SAMD12: variants seen among roughly 807,000 people sequenced by gnomAD.
SAMD12 encodes sterile alpha motif domain containing 12.
SAMD12 carries 9 observed loss-of-function variants against 15.0 expected under a neutral mutation model. The ratio of observed to expected loss-of-function variants is 0.60; its 90% CI spans 0.36 to 1.05. The LOEUF is 1.05. SAMD12 is among the 50% of genes least tolerant of loss of function. SAMD12 has a pLI of 0.01. For synonymous variants in SAMD12, 86 were observed against 90.1 expected, an observed-to-expected ratio of 0.96 and a Z score of 0.25; for missense variants, 230 against 234.2, an observed-to-expected ratio of 0.98 and a Z score of 0.12.
At chr8:118,533,101 C>T (rs1023318218) in intron 2 of SAMD12, among the ~76,000 whole-genome samples, 2 of 152,080 alleles carry the variant, frequency 1.3e-5, no homozygotes, top group African/African-American at 2.4e-5. Context: ...CCTCTACACA[C>T]TGTTTTAAAT....
At chr8:118,144,813 A>G in the SAMD12 span, among the ~76,000 whole-genome samples, 328 of 152,338 alleles carry the variant, frequency 2.2e-3, 2 homozygotes, top group African/African-American at 7.5e-3. Flanking sequence ...GCTGAAGGCC[A>G]CAATTAGCAA....
At chr8:118,541,149 A>G (rs1310604339) in intron 2 of SAMD12, among the ~76,000 whole-genome samples, 2 of 152,184 alleles carry the variant, frequency 1.3e-5, no homozygotes, top group Non-Finnish European at 2.9e-5. Flanking sequence ...GTGTTATTTC[A>G]TCACATCTTT....
At chr8:118,458,946 ATATATGTGTGTG>A in intron 2 of SAMD12, among the ~76,000 whole-genome samples, 1 of 81,126 alleles carries the variant, frequency 1.2e-5, no homozygotes, top group South Asian at 6.2e-4. Flanking sequence ...GTCTTCAGCT[ATATATGTGTGTG>A]TGTGTGTGTG....
At chr8:118,410,647 A>G (rs1040222018) in intron 3 of SAMD12, among the ~76,000 whole-genome samples, 3 of 152,186 alleles carry the variant, frequency 2.0e-5, no homozygotes, top group African/African-American at 7.2e-5. Flanking sequence ...TTTCTGGCTA[A>G]GTCAAATCTT....
chr8:118,508,688 G>C (rs1824992302), intron 2 of SAMD12, among the ~76,000 whole-genome samples: 1 of 152,144 alleles, frequency 6.6e-6, no homozygotes, highest in South Asian at 2.1e-4. Context: ...CATCAAATAT[G>C]GGGAGTTTTG....
At chr8:118,304,304 A>G (rs757309165) in intron 4 of SAMD12, among the ~76,000 whole-genome samples, 10 of 152,176 alleles carry the variant, frequency 6.6e-5, no homozygotes, top group Admixed American at 2.0e-4. Context: ...TGTCACAACA[A>G]TTTTTAGAAA....
intron 2 of SAMD12, among the ~76,000 whole-genome samples, chr8:118,578,959 G>A (rs918541747): frequency 6.6e-6 from 1 of 152,050 alleles, no homozygotes; most frequent in African/African-American, 2.4e-5. Flanking sequence ...CCAGAAGAAA[G>A]GCACATTATA....
chr8:118,214,672 T>A (rs1312934904), intron 4 of SAMD12, among the ~76,000 whole-genome samples: 3 of 152,210 alleles, frequency 2.0e-5, no homozygotes, highest in Non-Finnish European at 4.4e-5. Flanking sequence ...AATCAGAAGG[T>A]AGGGGAAAGT....
the SAMD12 span, among the ~76,000 whole-genome samples, chr8:118,141,332 T>C: frequency 6.6e-6 from 1 of 152,252 alleles, no homozygotes; most frequent in Admixed American, 6.5e-5. Flanking sequence ...GTTTATGTGC[T>C]TCACATTTAC....
chr8:118,529,964 A>T (rs1475308420), intron 2 of SAMD12, among the ~76,000 whole-genome samples: 13 of 152,206 alleles, frequency 8.5e-5, no homozygotes, highest in Non-Finnish European at 1.5e-5. Context: ...ACTGTTTTCC[A>T]TTAGAGATTG....
At chr8:118,245,844 G>C (rs1812677652) in intron 4 of SAMD12, among the ~76,000 whole-genome samples, 1 of 152,110 alleles carries the variant, frequency 6.6e-6, no homozygotes, top group South Asian at 2.1e-4. Flanking sequence ...GGATTGGAAG[G>C]GGAGGGGTTA....
chr8:118,185,653 A>G (rs113192660), downstream of SAMD12, among the ~76,000 whole-genome samples: 5 of 152,230 alleles, frequency 3.3e-5, no homozygotes, highest in African/African-American at 7.2e-5. Context: ...ACAGGAGTCC[A>G]TCTATTCCAA....
intron 3 of SAMD12, among the ~76,000 whole-genome samples, chr8:118,380,870 G>C (rs1328841758): frequency 6.6e-6 from 1 of 152,148 alleles, no homozygotes; most frequent in Non-Finnish European, 1.5e-5. Context: ...ATATGCTGTT[G>C]TAAAAAACAA....
At chr8:118,371,046 T>C (rs959795767) in intron 4 of SAMD12, among the ~76,000 whole-genome samples, 4 of 152,200 alleles carry the variant, frequency 2.6e-5, no homozygotes, top group African/African-American at 9.6e-5. Context: ...TCATCAAGGC[T>C]ATGTCTTTTC....
chr8:118,203,449 C>T (rs540505731), intron 4 of SAMD12, among the ~76,000 whole-genome samples: 9 of 151,964 alleles, frequency 5.9e-5, no homozygotes, highest in African/African-American at 2.2e-4. Context: ...TGGGTAGAAA[C>T]CCATTAAACT....
At chr8:118,213,487 C>A (rs996372604) in intron 4 of SAMD12, among the ~76,000 whole-genome samples, 1 of 152,226 alleles carries the variant, frequency 6.6e-6, no homozygotes, top group East Asian at 1.9e-4. Flanking sequence ...ACATGCTAGC[C>A]ATTTCAGTGA....
chr8:118,481,966 C>T (rs1824139832), intron 2 of SAMD12, among the ~76,000 whole-genome samples: 1 of 152,204 alleles, frequency 6.6e-6, no homozygotes, highest in African/African-American at 2.4e-5. Context: ...CCAACAGCCC[C>T]ATGAGGTAGA....
In SAMD12 at chr8:118,464,139, A is replaced by T. The variant is rs919810094; in HGVS notation, c.193-24178T>A. ...TGTCCTTTACCTTCTGGCCTTGCAA[A>T]AAATAAATAAATAAATAAACAAAGG... On this transcript the variant is annotated intron_variant, in intron 2 of 3. Transcript: ENST00000314727. Among the ~76,000 whole-genome samples the T allele has an allele frequency of 3.9e-5, 6 of 152,202 alleles. No homozygotes were observed. In the East Asian group the frequency reaches 5.8e-4, roughly 15 times the overall value.
chr8:118,299,412 A>T (rs1233736289), intron 4 of SAMD12, among the ~76,000 whole-genome samples: 2 of 152,174 alleles, frequency 1.3e-5, no homozygotes, highest in East Asian at 3.9e-4. Context: ...TCTCAACAAC[A>T]TATGACTGTG....
Sources: allele counts gnomAD v4.1 joint callset (sites outside exome capture counted in the v4.1 genomes callset), GRCh38; gene constraint gnomAD v4.1.1; transcripts MANE v1.5; gene names NCBI Gene and HGNC (gene_info 2026-07-23, HGNC 2026-07-21).